The following MYT1L variants were observed in gnomAD, a reference collection of about 807,000 sequenced individuals.
MYT1L encodes the protein myelin transcription factor 1-like protein.
MYT1L carries 12 observed loss-of-function variants against 126.7 expected under a neutral mutation model. The ratio of observed to expected loss-of-function variants is 0.09; its 90% CI spans 0.06 to 0.15. MYT1L has a LOEUF of 0.15. Among genes scored for constraint, MYT1L ranks in the 10% least tolerant of loss-of-function variants. The probability of loss-of-function intolerance (pLI) is 1.00; values close to 1 mark genes in which losing one functional copy is unlikely to be tolerated. For synonymous variants in MYT1L, 541 were observed against 604.2 expected, an observed-to-expected ratio of 0.90 and a Z score of 1.53; for missense variants, 979 against 1,585.2, an observed-to-expected ratio of 0.62 and a Z score of 6.49.
At chr2:1,985,082 C>T (rs1050327789) in intron 5 of MYT1L, among the ~76,000 whole-genome samples, 1 of 152,170 alleles carries the variant, frequency 6.6e-6, no homozygotes, top group East Asian at 1.9e-4. Context: ...GGACAGCTCC[C>T]ACTTTGACAC....
intron 2 of MYT1L, among the ~76,000 whole-genome samples, chr2:2,180,684 TTGTA>T (rs757832746): frequency 6.9e-6 from 1 of 143,948 alleles, no homozygotes; most frequent in African/African-American, 2.6e-5. Flanking sequence ...CTGTGTGTTT[TTGTA>T]TGTACCTGTA....
intron 8 of MYT1L, among the ~76,000 whole-genome samples, chr2:1,955,453 A>G (rs909843895): frequency 2.6e-5 from 4 of 152,188 alleles, no homozygotes; most frequent in Non-Finnish European, 4.4e-5. Flanking sequence ...TTATACATAC[A>G]CACCACACTA....
At chr2:2,311,161 T>G (rs994934315) in intron 1 of MYT1L, among the ~76,000 whole-genome samples, 5 of 152,178 alleles carry the variant, frequency 3.3e-5, no homozygotes, top group Middle Eastern at 3.2e-3. Context: ...AAATGACATG[T>G]AAGAAACTTA....
intron 2 of MYT1L, among the ~76,000 whole-genome samples, chr2:2,180,993 C>T (rs1357103716): frequency 2.7e-5 from 3 of 111,266 alleles, no homozygotes; most frequent in Admixed American, 9.5e-5. Flanking sequence ...CCTGTGTGTG[C>T]TTGTGTATGT....
At chr2:2,305,866 C>A (rs552387673) in intron 1 of MYT1L, 4 of 152,166 alleles carry the variant, frequency 2.6e-5, no homozygotes, top group Non-Finnish European at 5.9e-5. Context: ...CAATCACCTC[C>A]CTCTCCAACA....
chr2:2,179,638 A>T (rs1030330537), intron 2 of MYT1L, among the ~76,000 whole-genome samples: 1 of 152,236 alleles, frequency 6.6e-6, no homozygotes, highest in Non-Finnish European at 1.5e-5. Flanking sequence ...CCCAAGTTCC[A>T]CAAGCATTGC....
intron 3 of MYT1L, among the ~76,000 whole-genome samples, chr2:2,157,383 G>A (rs960461208): frequency 6.6e-5 from 10 of 152,162 alleles, no homozygotes; most frequent in Non-Finnish European, 1.5e-4. Context: ...CCATGGACTA[G>A]ACTTTTGTAA....
chr2:2,125,870 CA>C (rs1297559270), intron 3 of MYT1L, among the ~76,000 whole-genome samples: 1 of 152,160 alleles, frequency 6.6e-6, no homozygotes, highest in Non-Finnish European at 1.5e-5. Context: ...ATTAACTTTT[CA>C]AACACACCAA....
intron 1 of MYT1L, among the ~76,000 whole-genome samples, chr2:2,299,971 A>G (rs939663747): frequency 6.6e-6 from 1 of 152,218 alleles, no homozygotes. Flanking sequence ...TGGTATATCA[A>G]TGGCTTAGAA....
At chr2:1,881,736 G>C (rs953702019) in intron 18 of MYT1L, among the ~76,000 whole-genome samples, 3 of 152,004 alleles carry the variant, frequency 2.0e-5, no homozygotes. Flanking sequence ...CTCCCTGTGC[G>C]GGTCACAGGG....
chr2:1,826,861 T>G (rs2039430545), intron 21 of MYT1L: 3 of 133,306 alleles, frequency 2.3e-5, no homozygotes, highest in Non-Finnish European at 4.8e-5. Context: ...GGGGTGGGGG[T>G]CGGGAATGTA....
intron 18 of MYT1L, among the ~76,000 whole-genome samples, chr2:1,883,113 C>T (rs2047768084): frequency 6.6e-6 from 1 of 152,142 alleles, no homozygotes; most frequent in African/African-American, 2.4e-5. Flanking sequence ...TAACAAGTGT[C>T]CCAAGGTTCT....
In MYT1L at chr2:1,910,662, C is replaced by T. The variant is rs1043966773; in HGVS notation, c.1710-315G>A. ...GGACATAGCTGGTGAAAACTGTAGA[C>T]AGATTCCATTTCTGGAGATGAAGAA... On this transcript the variant is annotated intron_variant, in intron 12 of 24. Coordinates refer to ENST00000647738, the MANE Select transcript of MYT1L (RefSeq NM_001303052.2). The surrounding 1 kb of genome is among the most constrained non-coding windows in gnomAD (Gnocchi z 4.8). Among the ~76,000 whole-genome samples, 3 of 152,124 alleles carry T rather than the reference C, an allele frequency of 2.0e-5. No homozygotes were observed. Among genetic ancestry groups the T allele is most frequent in the African/African-American group, 7.2e-5 (3 of 41,426 alleles).
At chr2:1,870,176 C>T (rs1005686753) in intron 18 of MYT1L, among the ~76,000 whole-genome samples, 1 of 152,180 alleles carries the variant, frequency 6.6e-6, no homozygotes, top group Non-Finnish European at 1.5e-5. Context: ...AATCATTTCA[C>T]GGTGCAGAGA....
chr2:2,047,244 C>T (rs557623140), intron 4 of MYT1L, among the ~76,000 whole-genome samples: 1 of 152,096 alleles, frequency 6.6e-6, no homozygotes, highest in Non-Finnish European at 1.5e-5. Flanking sequence ...TTACATGGAC[C>T]TAAATATGCT....
intron 2 of MYT1L, among the ~76,000 whole-genome samples, chr2:2,208,058 A>G (rs2093378852): frequency 6.6e-6 from 1 of 152,100 alleles, no homozygotes; most frequent in Non-Finnish European, 1.5e-5. Flanking sequence ...TTCATTGTCC[A>G]TGTACACTGC....
chr2:1,962,593 TG>T (rs769850812), intron 8 of MYT1L, among the ~76,000 whole-genome samples: 5 of 152,218 alleles, frequency 3.3e-5, no homozygotes, highest in Non-Finnish European at 5.9e-5. Context: ...CTGTAGCACA[TG>T]GTGCTATTTG....
intron 11 of MYT1L, among the ~76,000 whole-genome samples, chr2:1,913,912 C>T (rs2052429586): frequency 6.6e-6 from 1 of 152,058 alleles, no homozygotes; most frequent in Non-Finnish European, 1.5e-5. Context: ...AGCTCCTATC[C>T]CTCTCTCCTC....
intron 2 of MYT1L, among the ~76,000 whole-genome samples, chr2:2,216,755 G>A (rs2093687993): frequency 6.6e-6 from 1 of 152,042 alleles, no homozygotes; most frequent in Non-Finnish European, 1.5e-5. Context: ...CAATCAGAGT[G>A]GGAAATCCCT....
Sources: allele counts gnomAD v4.1 joint callset (sites outside exome capture counted in the v4.1 genomes callset), GRCh38; gene constraint gnomAD v4.1.1; non-coding constraint Gnocchi (gnomAD v3.1); transcripts MANE v1.5; gene names NCBI Gene and HGNC (gene_info 2026-07-23, HGNC 2026-07-21).